Variants in INPP1 observed in about 807,000 individuals in gnomAD.
INPP1 encodes inositol polyphosphate 1-phosphatase.
Under a neutral mutation model 23.0 loss-of-function variants are expected in INPP1, and 18 were observed. The observed-to-expected ratio is 0.78, with a 90% CI of 0.54 to 1.16. INPP1 has a LOEUF of 1.16. Ranked by LOEUF, INPP1 falls within the 50% of genes most tolerant of loss-of-function variation. INPP1 has a pLI of 0.00. For synonymous variants in INPP1, 164 were observed against 176.3 expected (o/e 0.93, Z 0.55); for missense variants, 448 against 482.1 (o/e 0.93, Z 0.66).
In INPP1 at chr2:190,367,836, G is replaced by A. The variant is rs547620616; in HGVS notation, c.466+941G>A. Among the ~76,000 whole-genome samples the A allele has an allele frequency of 1.5e-4, 23 of 152,246 alleles. No homozygotes were observed. The highest frequency in any genetic ancestry group is 7.8e-4 in the Admixed American group (12 of 15,290). On this transcript the variant is annotated intron_variant, in intron 5 of 6. Coordinates refer to ENST00000392329, the MANE Select transcript of INPP1 (RefSeq NM_001128928.2). The surrounding 1 kb of genome is among the most constrained non-coding windows in gnomAD (Gnocchi z 4.1). ...CTGCCTTGGCCTCCTAAAGTGCTAG[G>A]ATGATTACAGGCATGACCTACCATG...
At chr2:190,347,974 C>T (rs575986716) in intron 1 of INPP1, among the ~76,000 whole-genome samples, 2 of 152,304 alleles carry the variant, frequency 1.3e-5, no homozygotes, top group East Asian at 3.9e-4. Flanking sequence ...CTGGTCTCTA[C>T]TAAAAATACA....
intron 5 of INPP1, 66 bp from the exon 6 acceptor site, chr2:190,369,037 T>C (rs1689744861): frequency 2.2e-6 from 2 of 915,496 alleles, no homozygotes; most frequent in South Asian, 5.0e-5. Context: ...AAGAGAGAAG[T>C]CATATGGAAC....
In INPP1 at chr2:190,362,634, G is replaced by A; in HGVS notation, c.212G>A (p.Gly71Asp). The A allele has an allele frequency of 6.2e-7, 1 of 1,606,860 alleles. No homozygotes were observed. Among genetic ancestry groups the A allele is most frequent in the Non-Finnish European group, 8.5e-7 (1 of 1,175,402 alleles). ...IKQNMENKFP[G>D]LEKNIFGEES... ...ATACTCTGAATCATTCAGTTTCCAG[G>A]CTTGGAAAAAAATATTTTTGGAGAA... is the stretch of plus-strand genomic sequence containing the variant. Residue 71 changes from glycine (G) to aspartate (D), a missense_variant, in exon 4 of 7, where the codon GGC becomes GAC. Transcript: ENST00000392329.
intron 2 of INPP1, among the ~76,000 whole-genome samples, chr2:190,353,554 T>C (rs1689362684): frequency 6.6e-6 from 1 of 152,248 alleles, no homozygotes; most frequent in African/African-American, 2.4e-5. Flanking sequence ...CTATCATTTA[T>C]TATCTGCCAT....
intron 2 of INPP1, among the ~76,000 whole-genome samples, chr2:190,353,540 A>T (rs767729392): frequency 6.6e-6 from 1 of 152,242 alleles, no homozygotes; most frequent in Admixed American, 6.5e-5. Flanking sequence ...TTTCAGAGTC[A>T]TAGCTATCAT....
At position 190,367,417 on chromosome 2, in the gene INPP1, C is replaced by A. The variant is rs773249043; in HGVS notation, c.466+522C>A. Among the ~76,000 whole-genome samples the A allele has an allele frequency of 4.6e-5, 7 of 151,984 alleles. No homozygotes were observed. Among genetic ancestry groups the A allele is most frequent in the African/African-American group, 9.7e-5 (4 of 41,362 alleles). On this transcript the variant is annotated intron_variant, in intron 5 of 6. Coordinates refer to ENST00000392329, the MANE Select transcript of INPP1 (RefSeq NM_001128928.2). This position sits in a 1 kb window ranked among gnomAD's most constrained non-coding sequence, Gnocchi z 4.1. ...TAATTCAGTTAAAGAAGGAAACAATCAAAAAAACACAGTACAGGTCAAGCA... is the reference window on the plus strand; with the variant it reads ...TAATTCAGTTAAAGAAGGAAACAATAAAAAAAACACAGTACAGGTCAAGCA...
At position 190,370,984 on chromosome 2, in the gene INPP1, C is replaced by T; in HGVS notation, c.782C>T (p.Ser261Leu). 6.2e-7 allele frequency: 1 copy of T among 1,614,206 alleles called. No homozygotes were observed. Among genetic ancestry groups the T allele is most frequent in the Non-Finnish European group, 8.5e-7 (1 of 1,180,042 alleles). The change falls in exon 7 of 7, where the codon TCA becomes TTA. Residue 261 changes from serine to leucine, a missense_variant. Transcript: ENST00000392329. ...GAGGCAGCATTCTCCCCCAGTTTTT[C>T]AGCCGTAATTAGTACAAGTGAAAAG... The part of the protein sequence containing the change: ...GSEAAFSPSF[S>L]AVISTSEKET...
intron 3 of INPP1, among the ~76,000 whole-genome samples, 183 bp from the exon 4 acceptor site, chr2:190,362,444 A>T (rs1559083580): frequency 6.6e-6 from 1 of 152,216 alleles, no homozygotes; most frequent in Non-Finnish European, 1.5e-5. Flanking sequence ...AATATTAGAA[A>T]ATTAAGCACT....
Position 190,360,241 on chromosome 2 carries a change from G to A in INPP1, c.139G>A (p.Val47Ile), listed in dbSNP as rs1336413649. The A allele has an allele frequency of 6.2e-7, 1 of 1,614,206 alleles. No homozygotes were observed. Among genetic ancestry groups the A allele is most frequent in the Non-Finnish European group, 8.5e-7 (1 of 1,180,036 alleles). ...GGGAGAAAAGAACAAGAAGTTTGCA[G>A]TTGACTTCAAGACGCTGGCTGATGT... Reference protein sequence around the residue: ...KEGEKNKKFAVDFKTLADVLV... With the variant: ...KEGEKNKKFAIDFKTLADVLV... The change falls in exon 3 of 7, where the codon GTT (valine) becomes ATT (isoleucine). Residue 47 changes from valine (V) to isoleucine (I), a missense_variant. Transcript: ENST00000392329.
intron 2 of INPP1, among the ~76,000 whole-genome samples, chr2:190,357,025 C>T (rs1464234753): frequency 1.3e-5 from 2 of 152,108 alleles, no homozygotes; most frequent in African/African-American, 4.8e-5. Flanking sequence ...TCTAAGGCAA[C>T]GTGCCGCAGC....
rs1440395028 is a variant in INPP1, at chr2:190,352,355, A to T, written c.-65+3324A>T. On this transcript the variant is annotated intron_variant, in intron 2 of 6. Coordinates refer to ENST00000392329, the MANE Select transcript of INPP1 (RefSeq NM_001128928.2). This position sits in a 1 kb window ranked among gnomAD's most constrained non-coding sequence, Gnocchi z 4.7. ...ACATGAAATAAGACCCAGGAAGTAC[A>T]GGCAGTCCCAAACTGTAATATTTAT... 6.6e-6 allele frequency among the ~76,000 whole-genome samples: 1 copy of T among 152,250 alleles called. No individual in the cohort carries two copies. The highest frequency in any genetic ancestry group is 1.5e-5 in the Non-Finnish European group (1 of 68,040).
chr2:190,357,074 A>G (rs1689433272), intron 2 of INPP1, among the ~76,000 whole-genome samples: 1 of 152,222 alleles, frequency 6.6e-6, no homozygotes, highest in Admixed American at 6.5e-5. Context: ...TTTAGATTCA[A>G]GTCAACTAAA....
rs757214542 is a variant in INPP1, at chr2:190,362,688, G to T, written c.265+1G>T. The T allele has an allele frequency of 6.4e-7, 1 of 1,569,976 alleles. No individual in the cohort carries two copies. Among genetic ancestry groups the T allele is most frequent in the Non-Finnish European group, 8.7e-7 (1 of 1,142,956 alleles). On this transcript the variant is annotated splice_donor_variant, in intron 4 of 6. Coordinates refer to ENST00000392329, the MANE Select transcript of INPP1 (RefSeq NM_001128928.2). LOFTEE classifies it high-confidence loss of function. ...TCCAATGAGTTTACTAATGACTGGG[G>T]TAAGTATAAGAATCTTAATGTGTCT... is the stretch of plus-strand genomic sequence containing the variant.
rs1689201994 is a variant in INPP1 at position 190,345,711 on chromosome 2, C to T, written c.-209+1750C>T. ...GGCTGAGAGCTTAGAAATAAAGGCT[C>T]TGGCTGGCGTGGTGGCTCACGCCTG... On this transcript the variant is annotated intron_variant, in intron 1 of 6. Coordinates refer to ENST00000392329, the MANE Select transcript of INPP1 (RefSeq NM_001128928.2). The surrounding 1 kb of genome is among the most constrained non-coding windows in gnomAD (Gnocchi z 4.9). The T allele has an allele frequency of 6.6e-6, 1 of 152,196 alleles. No homozygotes were observed. The highest frequency in any genetic ancestry group is 2.1e-4 in the South Asian group (1 of 4,838). The allele number at this position is 152,196 out of a possible 1,614,324, so 9.4% of individuals were successfully genotyped here. A position where few individuals can be genotyped will look rare whatever the true frequency, so the allele number is the denominator to read the frequency against.
At chr2:190,344,393 G>A (rs1378078874) in intron 1 of INPP1, among the ~76,000 whole-genome samples, 2 of 152,260 alleles carry the variant, frequency 1.3e-5, no homozygotes, top group African/African-American at 4.8e-5. Context: ...AGATGGCGCA[G>A]CTGTCAGTGA....
intron 6 of INPP1, 87 bp downstream of exon 6, chr2:190,369,364 A>C: frequency 3.0e-6 from 2 of 656,620 alleles, no homozygotes; most frequent in South Asian, 2.9e-5. Context: ...ACTATATGAC[A>C]TTCCCATGAC....
chr2:190,365,452 C>T lies in INPP1; in HGVS notation c.266-1243C>T, dbSNP rs1561649. On this transcript the variant is annotated intron_variant, in intron 4 of 6. Coordinates refer to ENST00000392329, the MANE Select transcript of INPP1 (RefSeq NM_001128928.2). ...TTCTTTTCAATAACATATTCAGACA[C>T]GGACAGGGTGACTTAAGTATATAAA... 7.4e-3 allele frequency among the ~76,000 whole-genome samples: 1,123 copies of T among 152,262 alleles called. 23 individuals carry two copies. Among genetic ancestry groups the T allele is most frequent in the African/African-American group, 0.026 (1,081 of 41,536 alleles).
chr2:190,359,336 G>C (rs1689485846), intron 2 of INPP1, among the ~76,000 whole-genome samples: 1 of 151,730 alleles, frequency 6.6e-6, no homozygotes, highest in Non-Finnish European at 1.5e-5. Context: ...TAGCTGGTCT[G>C]GTACTTAGTA....
In INPP1 at chr2:190,355,909, C is replaced by T. The variant is rs1480777003; in HGVS notation, c.-64-4130C>T. On this transcript the variant is annotated intron_variant, in intron 2 of 6. Coordinates refer to ENST00000392329, the MANE Select transcript of INPP1 (RefSeq NM_001128928.2). The surrounding 1 kb of genome is among the most constrained non-coding windows in gnomAD (Gnocchi z 5.1). ...ATATAACAAACCTGCACATGTAACC[C>T]TGAACTTAGAATAAAAGTTGAAAAA... 6.6e-6 allele frequency among the ~76,000 whole-genome samples: 1 copy of T among 151,948 alleles called. No homozygotes were observed. The highest frequency in any genetic ancestry group is 1.5e-5 in the Non-Finnish European group (1 of 67,992).
Sources: gnomAD v4.1 joint callset for allele counts (sites outside exome capture counted in the v4.1 genomes callset) on GRCh38, gnomAD v4.1.1 for gene constraint, Gnocchi (gnomAD v3.1) non-coding constraint, MANE v1.5 for transcripts, NCBI Gene and HGNC (gene_info 2026-07-23, HGNC 2026-07-21) for gene names.